MYO18B: variants seen among roughly 807,000 people sequenced by gnomAD.
MYO18B encodes the protein myosin XVIIIB, also known as unconventional myosin-XVIIIb.
A neutral mutation model predicts 273.0 loss-of-function variants in MYO18B; 204 were observed. The observed-to-expected ratio is 0.75, with a 90% CI of 0.67 to 0.84. The LOEUF is 0.84. Ranked by LOEUF, MYO18B falls within the 40% of genes least tolerant of loss-of-function variation. MYO18B has a pLI of 0.00. For synonymous variants in MYO18B, 1,330 were observed against 1,305.7 expected (o/e 1.02, Z -0.40); for missense variants, 3,212 against 3,287.6 (o/e 0.98, Z 0.56).
chr22:25,897,124 C>G (rs8140345), intron 28 of MYO18B: 1 of 152,214 alleles, frequency 6.6e-6, no homozygotes, highest in Non-Finnish European at 1.5e-5. Context: ...TCTTTGCTGA[C>G]GCAGATTGGG....
chr22:25,989,278 A>G (rs1380464979), intron 39 of MYO18B, among the ~76,000 whole-genome samples: 1 of 152,206 alleles, frequency 6.6e-6, no homozygotes, highest in Non-Finnish European at 1.5e-5. Context: ...GACCTCAGAC[A>G]GGTCATTTGG....
chr22:25,921,702 T>TTTGTGTG (rs1491236844), intron 34 of MYO18B, among the ~76,000 whole-genome samples: 1 of 145,600 alleles, frequency 6.9e-6, no homozygotes, highest in Admixed American at 6.8e-5. Flanking sequence ...AGTGTGCCTG[T>TTTGTGTG]TGTGTGTGTG....
chr22:25,742,698 T>C (rs1036105183), intron 1 of MYO18B, among the ~76,000 whole-genome samples: 46 of 152,246 alleles, frequency 3.0e-4, no homozygotes, highest in Non-Finnish European at 1.5e-4. Flanking sequence ...TGTTCAGTTA[T>C]GGTCGGGGAA....
intron 29 of MYO18B, chr22:25,899,486 A>G (rs1195963827): frequency 6.6e-6 from 1 of 152,188 alleles, no homozygotes; most frequent in Non-Finnish European, 1.5e-5. Context: ...AGGAAGGAGA[A>G]TTATATTTCC....
the MYO18B span, among the ~76,000 whole-genome samples, chr22:26,050,888 G>T: frequency 6.6e-6 from 1 of 152,198 alleles, no homozygotes; most frequent in African/African-American, 2.4e-5. Context: ...AGGATAAAAG[G>T]TTGGATGAGG....
chr22:25,901,644 G>A (rs1194825502), intron 29 of MYO18B: 2 of 152,062 alleles, frequency 1.3e-5, no homozygotes, highest in African/African-American at 4.8e-5. Context: ...GAGAGTATAA[G>A]CCAGACAATA....
intron 39 of MYO18B, among the ~76,000 whole-genome samples, chr22:25,960,038 A>G (rs73414069): frequency 0.014 from 2,073 of 152,236 alleles, 44 homozygotes; most frequent in African/African-American, 0.047. Context: ...TGGTTTAAAG[A>G]ACTGTGAGTT....
chr22:25,755,470 T>C (rs565134126), intron 1 of MYO18B, among the ~76,000 whole-genome samples: 155 of 152,280 alleles, frequency 1.0e-3, no homozygotes, highest in Non-Finnish European at 1.7e-3. Flanking sequence ...CCTCCCAAAG[T>C]GTTGGAGTTA....
intron 42 of MYO18B, among the ~76,000 whole-genome samples, chr22:26,019,281 G>A (rs968903726): frequency 6.6e-6 from 1 of 152,208 alleles, no homozygotes; most frequent in Non-Finnish European, 1.5e-5. Context: ...ACGATAAAGG[G>A]CAGTAGAGCA....
chr22:25,813,385 G>C (rs570895180), intron 12 of MYO18B, among the ~76,000 whole-genome samples: 5 of 151,986 alleles, frequency 3.3e-5, no homozygotes, highest in South Asian at 2.1e-4. Flanking sequence ...GTGCCTATTG[G>C]ATGATAAGCC....
chr22:25,783,480 C>G (rs2087248086), intron 10 of MYO18B, among the ~76,000 whole-genome samples: 1 of 145,832 alleles, frequency 6.9e-6, no homozygotes, highest in Non-Finnish European at 1.5e-5. Context: ...TCCATTTTCT[C>G]ACCTCTCAGA....
At chr22:25,808,331 T>C (rs1294097702) in intron 12 of MYO18B, among the ~76,000 whole-genome samples, 1 of 152,150 alleles carries the variant, frequency 6.6e-6, no homozygotes, top group Non-Finnish European at 1.5e-5. Flanking sequence ...TTGCATAAAT[T>C]CTCACTTTTA....
intron 1 of MYO18B, 123 bp from the exon 2 acceptor site, chr22:25,760,861 A>T: frequency 1.7e-6 from 1 of 595,452 alleles, no homozygotes; most frequent in Non-Finnish European, 3.0e-6. Context: ...CAGTGTCTGT[A>T]CCTGACTGTG....
intron 21 of MYO18B, among the ~76,000 whole-genome samples, chr22:25,856,312 A>C (rs1170269505): frequency 6.6e-6 from 1 of 152,204 alleles, no homozygotes; most frequent in Non-Finnish European, 1.5e-5. Context: ...GCATCTTTTC[A>C]TGTTCACACA....
intron 25 of MYO18B, among the ~76,000 whole-genome samples, chr22:25,881,967 T>G (rs2091349082): frequency 6.6e-6 from 1 of 152,198 alleles, no homozygotes; most frequent in South Asian, 2.1e-4. Context: ...TGCTGTTCAC[T>G]CTGCCTGAAA....
At chr22:25,817,983 G>A (rs1366437190) in intron 12 of MYO18B, among the ~76,000 whole-genome samples, 1 of 152,164 alleles carries the variant, frequency 6.6e-6, no homozygotes, top group Admixed American at 6.5e-5. Context: ...AGGAAGGCAG[G>A]AACTGTGGGC....
chr22:25,919,354 C>A (rs1189775267), intron 33 of MYO18B, among the ~76,000 whole-genome samples: 1 of 152,200 alleles, frequency 6.6e-6, no homozygotes, highest in African/African-American at 2.4e-5. Flanking sequence ...TCCAACTCTG[C>A]CACTTACTAG....
chr22:26,006,192 A>G (rs898426692), intron 42 of MYO18B, among the ~76,000 whole-genome samples: 1 of 152,186 alleles, frequency 6.6e-6, no homozygotes, highest in African/African-American at 2.4e-5. Flanking sequence ...GGTGGATAAT[A>G]AGGATCCTAA....
the MYO18B span, among the ~76,000 whole-genome samples, chr22:26,036,356 C>T: frequency 6.6e-6 from 1 of 152,156 alleles, no homozygotes; most frequent in East Asian, 1.9e-4. Flanking sequence ...CATCATAGCT[C>T]CCATTCCTGT....
Sources: gnomAD v4.1 joint callset for allele counts (sites outside exome capture counted in the v4.1 genomes callset) on GRCh38, gnomAD v4.1.1 for gene constraint, MANE v1.5 for transcripts, NCBI Gene and HGNC (gene_info 2026-07-23, HGNC 2026-07-21) for gene names.